NCOA2: variants seen among roughly 807,000 people sequenced by gnomAD.
The protein encoded by NCOA2 is class E basic helix-loop-helix protein 75.
In NCOA2, 21 loss-of-function variants were observed where a neutral mutation model predicts 145.1. The observed-to-expected ratio is 0.14, with a 90% CI of 0.10 to 0.21. The LOEUF (loss-of-function observed/expected upper bound fraction) is 0.21, where lower values mean the gene tolerates loss of function less well. Ranked by LOEUF, NCOA2 falls within the 10% of genes least tolerant of loss-of-function variation. The pLI is 1.00. For missense variants in NCOA2, 1,472 were observed against 1,837.6 expected, an observed-to-expected ratio of 0.80 and a Z score of 3.64; for synonymous variants, 619 against 637.5, an observed-to-expected ratio of 0.97 and a Z score of 0.44.
At chr8:70,294,063 C>A (rs1356223840) in intron 2 of NCOA2, among the ~76,000 whole-genome samples, 1 of 152,048 alleles carries the variant, frequency 6.6e-6, no homozygotes, top group Non-Finnish European at 1.5e-5. Context: ...AAATTTAAGA[C>A]CCAAAATATA....
chr8:70,336,889 A>G (rs1239689105), intron 1 of NCOA2, among the ~76,000 whole-genome samples: 1 of 152,134 alleles, frequency 6.6e-6, no homozygotes, highest in Non-Finnish European at 1.5e-5. Flanking sequence ...GACTATTGTA[A>G]ATAATGGTGC....
At chr8:70,362,834 T>C (rs1430605506) in intron 1 of NCOA2, among the ~76,000 whole-genome samples, 1 of 152,068 alleles carries the variant, frequency 6.6e-6, no homozygotes, top group Non-Finnish European at 1.5e-5. Context: ...TCCCAGCACC[T>C]TGGGAGGCCA....
the NCOA2 span, among the ~76,000 whole-genome samples, chr8:70,428,180 A>G: frequency 6.6e-6 from 1 of 152,058 alleles, no homozygotes; most frequent in Non-Finnish European, 1.5e-5. Context: ...CTGGTCAGGC[A>G]TGGTGGTTCA....
the NCOA2 span, among the ~76,000 whole-genome samples, chr8:70,445,690 G>A: frequency 6.6e-6 from 1 of 152,202 alleles, no homozygotes; most frequent in African/African-American, 2.4e-5. Flanking sequence ...GGATGTTCGA[G>A]TTTTAAATCC....
chr8:70,267,532 G>A (rs1359402623), intron 2 of NCOA2, among the ~76,000 whole-genome samples: 1 of 151,506 alleles, frequency 6.6e-6, no homozygotes, highest in African/African-American at 2.4e-5. Context: ...CAAGAAGCTG[G>A]GACTACTGGC....
intron 15 of NCOA2, among the ~76,000 whole-genome samples, chr8:70,135,823 T>C (rs1809660781): frequency 6.6e-6 from 1 of 152,142 alleles, no homozygotes; most frequent in Non-Finnish European, 1.5e-5. Context: ...GAGAGATCCA[T>C]AATCAATGGA....
chr8:70,212,001 T>C (rs1288987492), intron 4 of NCOA2, among the ~76,000 whole-genome samples: 1 of 151,458 alleles, frequency 6.6e-6, no homozygotes, highest in African/African-American at 2.4e-5. Context: ...TGTTTTATGG[T>C]TTGAAGGGGG....
In NCOA2 at chr8:70,110,481, T is replaced by C. The variant is rs1443562211; in HGVS notation, c.*3151A>G. Reference sequence around the variant, plus strand: ...AAAATCGAAGCCACTACAGTAATTTTCTTTTGTGCAGAGGATGCTTTGCTC... The same window carrying C: ...AAAATCGAAGCCACTACAGTAATTTCCTTTTGTGCAGAGGATGCTTTGCTC... On this transcript the variant is annotated 3_prime_UTR_variant, in exon 23 of 23. Coordinates refer to ENST00000452400, the MANE Select transcript of NCOA2 (RefSeq NM_006540.4). 1.0e-5 allele frequency: 2 copies of C among 198,220 alleles called. No individual in the cohort carries two copies. Among genetic ancestry groups the C allele is most frequent in the African/African-American group, 4.6e-5 (2 of 43,434 alleles). The allele number at this position is 198,220 out of a possible 1,614,324, so 12.3% of individuals were successfully genotyped here. A position where few individuals can be genotyped will look rare whatever the true frequency, so the allele number is the denominator to read the frequency against.
At chr8:70,310,346 C>CAAAAA (rs34849703) in intron 1 of NCOA2, among the ~76,000 whole-genome samples, 6 of 72,444 alleles carry the variant, frequency 8.3e-5, no homozygotes, top group African/African-American at 1.9e-4. Context: ...TCTGTCTTCC[C>CAAAAA]AAAAAAAAAA....
chr8:70,280,355 C>T (rs1825783221), intron 2 of NCOA2, among the ~76,000 whole-genome samples: 1 of 152,100 alleles, frequency 6.6e-6, no homozygotes, highest in African/African-American at 2.4e-5. Context: ...CAGAATTGGA[C>T]CAACTGAGGG....
At chr8:70,403,955 C>G, upstream of NCOA2, 1 of 377,562 alleles carries the variant, frequency 2.6e-6, no homozygotes, top group East Asian at 3.7e-5. Flanking sequence ...CAGGCCGTCC[C>G]TCCCTCTGCC....
rs200524379 is a variant in NCOA2, at chr8:70,321,791, AC to A, written c.-76-24992del. ...AATGCTTTCCTAAGTTTCAGAATAT[AC>A]CTTTTTTTTTTTTTTTTTTTTTTTT... On this transcript the variant is annotated intron_variant, in intron 1 of 22. Transcript: ENST00000452400. 3.7e-3 allele frequency among the ~76,000 whole-genome samples: 332 copies of A among 88,746 alleles called. 7 individuals carry two copies. The highest frequency in any genetic ancestry group is 0.014 in the East Asian group (22 of 1,626). The allele number at this position is 88,746 out of a possible 152,430, so 58.2% of individuals were successfully genotyped here.
intron 1 of NCOA2, among the ~76,000 whole-genome samples, chr8:70,299,234 T>C (rs1827314418): frequency 1.3e-5 from 2 of 152,122 alleles, no homozygotes; most frequent in African/African-American, 2.4e-5. Flanking sequence ...GAGAAACTAG[T>C]AGTCATTTAA....
At chr8:70,428,588 C>A in the NCOA2 span, among the ~76,000 whole-genome samples, 1 of 152,132 alleles carries the variant, frequency 6.6e-6, no homozygotes, top group African/African-American at 2.4e-5. Context: ...TGCGCCACTG[C>A]ACTTTACCTG....
At chr8:70,328,032 G>A (rs1389986705) in intron 1 of NCOA2, among the ~76,000 whole-genome samples, 2 of 152,096 alleles carry the variant, frequency 1.3e-5, no homozygotes, top group Non-Finnish European at 2.9e-5. Flanking sequence ...TCTACTTTGA[G>A]CAAAACAAAA....
rs116643301 is a variant in NCOA2, at chr8:70,319,565, A to C, written c.-76-22765T>G. Among the ~76,000 whole-genome samples, 1,060 of 152,102 alleles carry C rather than the reference A, an allele frequency of 7.0e-3. 9 individuals are homozygous for C. Among genetic ancestry groups the C allele is most frequent in the African/African-American group, 0.024 (990 of 41,464 alleles). On this transcript the variant is annotated intron_variant, in intron 1 of 22. Transcript: ENST00000452400. ...AAATAAATAAATAAATAAATAAATA[A>C]ATAAAAGCTCTATTTAGCTGGCTTT...
At chr8:70,267,405 T>G (rs1473379707) in intron 2 of NCOA2, among the ~76,000 whole-genome samples, 1 of 147,342 alleles carries the variant, frequency 6.8e-6, no homozygotes, top group Non-Finnish European at 1.5e-5. Flanking sequence ...TTTTTTTTTT[T>G]TTTTTTTCCT....
At chr8:70,285,748 T>C (rs1037739029) in intron 2 of NCOA2, among the ~76,000 whole-genome samples, 43 of 152,202 alleles carry the variant, frequency 2.8e-4, no homozygotes, top group African/African-American at 9.9e-4. Flanking sequence ...TGCACTATCA[T>C]TGCTCCAGAA....
intron 14 of NCOA2, among the ~76,000 whole-genome samples, chr8:70,140,234 A>G (rs1181181226): frequency 6.6e-6 from 1 of 152,130 alleles, no homozygotes; most frequent in African/African-American, 2.4e-5. Context: ...AAAGAAACCC[A>G]TTACTCATTA....
Sources: gnomAD v4.1 joint callset for allele counts (sites outside exome capture counted in the v4.1 genomes callset) on GRCh38, gnomAD v4.1.1 for gene constraint, MANE v1.5 for transcripts, NCBI Gene and HGNC (gene_info 2026-07-23, HGNC 2026-07-21) for gene names.